PDE4B: variants seen among roughly 807,000 people sequenced by gnomAD.
The protein encoded by PDE4B is phosphodiesterase 4B, also known as 3',5'-cyclic-AMP phosphodiesterase 4B.
A neutral mutation model predicts 82.2 loss-of-function variants in PDE4B; 20 were observed. That is an observed-to-expected ratio of 0.24 (90% confidence interval 0.17 to 0.35). The LOEUF is 0.35. Among genes scored for constraint, PDE4B ranks in the 10% least tolerant of loss-of-function variants. PDE4B has a pLI of 1.00. For missense variants in PDE4B, 655 were observed against 907.2 expected (o/e 0.72, Z 3.57); for synonymous variants, 320 against 318.9 (o/e 1.00, Z -0.04).
At chr1:65,926,345 C>T (rs915858641) in intron 3 of PDE4B, among the ~76,000 whole-genome samples, 2 of 152,138 alleles carry the variant, frequency 1.3e-5, no homozygotes, top group Non-Finnish European at 2.9e-5. Context: ...TTACAGAAAA[C>T]TTTCATAGCT....
At chr1:66,318,930 T>A (rs1350763593) in intron 7 of PDE4B, among the ~76,000 whole-genome samples, 1 of 152,198 alleles carries the variant, frequency 6.6e-6, no homozygotes, top group Non-Finnish European at 1.5e-5. Flanking sequence ...ACATTCCAGA[T>A]TCTAAAGCAA....
intron 6 of PDE4B, among the ~76,000 whole-genome samples, chr1:66,262,466 T>C (rs1231039185): frequency 4.6e-5 from 7 of 152,360 alleles, no homozygotes; most frequent in Non-Finnish European, 7.3e-5. Flanking sequence ...CTGTCTCCAC[T>C]GTGCTATTCA....
intron 3 of PDE4B, among the ~76,000 whole-genome samples, chr1:66,052,377 T>A (rs1038788452): frequency 6.6e-5 from 10 of 152,088 alleles, no homozygotes; most frequent in Admixed American, 5.2e-4. Context: ...ACTAAGGAAT[T>A]TTAAGAAAAT....
intron 3 of PDE4B, among the ~76,000 whole-genome samples, chr1:66,221,971 GT>G (rs1445299130): frequency 6.6e-6 from 1 of 151,954 alleles, no homozygotes; most frequent in East Asian, 1.9e-4. Context: ...TAAAATAACA[GT>G]TGTTTAAACA....
At chr1:65,995,514 A>G (rs1651492138) in intron 3 of PDE4B, among the ~76,000 whole-genome samples, 1 of 152,136 alleles carries the variant, frequency 6.6e-6, no homozygotes, top group Admixed American at 6.6e-5. Context: ...CGTCTTTCCA[A>G]TGAATATAGA....
chr1:66,248,024 C>A (rs1195449132), intron 4 of PDE4B, among the ~76,000 whole-genome samples: 1 of 152,152 alleles, frequency 6.6e-6, no homozygotes, highest in South Asian at 2.1e-4. Context: ...TCATGAGGCT[C>A]CAGCAAAGAG....
chr1:65,957,265 T>C (rs1649308941), intron 3 of PDE4B, among the ~76,000 whole-genome samples: 1 of 152,126 alleles, frequency 6.6e-6, no homozygotes, highest in African/African-American at 2.4e-5. Context: ...AAAAATCCTT[T>C]CCTACCCCAA....
At chr1:66,316,469 A>G (rs1361110151) in intron 7 of PDE4B, among the ~76,000 whole-genome samples, 2 of 152,256 alleles carry the variant, frequency 1.3e-5, no homozygotes, top group African/African-American at 2.4e-5. Flanking sequence ...ACTTTGCAGA[A>G]TCTGTGTCTA....
chr1:66,291,757 T>C (rs892573585), intron 7 of PDE4B, among the ~76,000 whole-genome samples: 3 of 152,070 alleles, frequency 2.0e-5, no homozygotes, highest in Admixed American at 6.6e-5. Context: ...TGTTTTTTTT[T>C]CCCACCATGT....
At chr1:66,345,024 G>A (rs1318753897) in intron 8 of PDE4B, among the ~76,000 whole-genome samples, 1 of 152,120 alleles carries the variant, frequency 6.6e-6, no homozygotes, top group Admixed American at 6.6e-5. Flanking sequence ...AAACATATTT[G>A]AAGCATCCCT....
chr1:66,071,150 C>T (rs140334978), intron 3 of PDE4B, among the ~76,000 whole-genome samples: 24 of 152,054 alleles, frequency 1.6e-4, no homozygotes, highest in African/African-American at 5.5e-4. Context: ...GAGGGTCATT[C>T]CAAGCATTTT....
chr1:66,220,954 G>A (rs1285185376), intron 3 of PDE4B, among the ~76,000 whole-genome samples: 4 of 152,150 alleles, frequency 2.6e-5, no homozygotes, highest in Non-Finnish European at 5.9e-5. Context: ...AAAAGTAGCA[G>A]TAGCAATAAC....
chr1:66,044,023 AT>A (rs1218452143), intron 3 of PDE4B, among the ~76,000 whole-genome samples: 3 of 4,290 alleles, frequency 7.0e-4, no homozygotes, highest in Non-Finnish European at 2.3e-3. Context: ...TCTGTCAAGT[AT>A]TATACTAAAT....
At chr1:66,366,610 A>G (rs1663269699) in intron 13 of PDE4B, among the ~76,000 whole-genome samples, 1 of 152,190 alleles carries the variant, frequency 6.6e-6, no homozygotes, top group African/African-American at 2.4e-5. Context: ...TGAATGACCT[A>G]GGTTTGGAGT....
chr1:65,901,378 A>G (rs1219043279), intron 1 of PDE4B, among the ~76,000 whole-genome samples: 1 of 152,074 alleles, frequency 6.6e-6, no homozygotes, highest in Non-Finnish European at 1.5e-5. Flanking sequence ...AGATTTTTGC[A>G]TATATGTTAA....
At chr1:66,047,956 G>A (rs1654804385) in intron 3 of PDE4B, among the ~76,000 whole-genome samples, 1 of 151,904 alleles carries the variant, frequency 6.6e-6, no homozygotes, top group Non-Finnish European at 1.5e-5. Context: ...GCTGTTAAGT[G>A]ACAGACGAAT....
In PDE4B at chr1:66,227,839, C is replaced by A. The variant is rs145020946; in HGVS notation, c.282-19621C>A. Among the ~76,000 whole-genome samples, 29 of 152,338 alleles carry A rather than the reference C, an allele frequency of 1.9e-4. No individual in the cohort carries two copies. The East Asian group carries it at 5.6e-3, about 29-fold the overall frequency. ...CATTTCAAACTTGACATGATCTGATCTCTACCCCAAACCCAAATCTTCTGC... is the reference window on the plus strand; with the variant it reads ...CATTTCAAACTTGACATGATCTGATATCTACCCCAAACCCAAATCTTCTGC... On this transcript the variant is annotated intron_variant, in intron 3 of 16. Coordinates refer to ENST00000341517, the MANE Select transcript of PDE4B (RefSeq NM_002600.4).
At chr1:65,938,386 T>C (rs1227636178) in intron 3 of PDE4B, among the ~76,000 whole-genome samples, 1 of 152,230 alleles carries the variant, frequency 6.6e-6, no homozygotes, top group Admixed American at 6.5e-5. Flanking sequence ...GTAATTCCTA[T>C]GTTTTATTCA....
chr1:66,292,057 C>T (rs1211694257), intron 7 of PDE4B, among the ~76,000 whole-genome samples: 1 of 152,128 alleles, frequency 6.6e-6, no homozygotes, highest in African/African-American at 2.4e-5. Flanking sequence ...CCATTAGCGC[C>T]TGGGGAATCT....
Sources: gnomAD v4.1 joint callset for allele counts (sites outside exome capture counted in the v4.1 genomes callset) on GRCh38, gnomAD v4.1.1 for gene constraint, MANE v1.5 for transcripts, NCBI Gene and HGNC (gene_info 2026-07-23, HGNC 2026-07-21) for gene names.